The following PARP16 variants were observed in gnomAD, a reference collection of about 807,000 sequenced individuals.
PARP16 encodes the protein poly(ADP-ribose) polymerase family member 16.
In PARP16, 31 loss-of-function variants were observed where a neutral mutation model predicts 35.0. That is an observed-to-expected ratio of 0.88 (90% CI 0.66 to 1.19). The LOEUF is 1.19. Ranked by LOEUF, PARP16 falls within the 50% of genes most tolerant of loss-of-function variation. The pLI, the probability that PARP16 is intolerant of heterozygous loss-of-function variation, is 0.00. For missense variants in PARP16, 424 were observed against 411.2 expected, an observed-to-expected ratio of 1.03 and a Z score of -0.27; for synonymous variants, 162 against 169.5, an observed-to-expected ratio of 0.96 and a Z score of 0.34.
intron 2 of PARP16, among the ~76,000 whole-genome samples, chr15:65,268,849 G>A (rs1011004219): frequency 3.3e-5 from 5 of 152,124 alleles, no homozygotes; most frequent in Non-Finnish European, 7.4e-5. Context: ...CCACCTCCCA[G>A]GTTCAAGCGA....
intron 3 of PARP16, among the ~76,000 whole-genome samples, chr15:65,242,881 A>G (rs1377846442): frequency 6.6e-6 from 1 of 151,580 alleles, no homozygotes. Context: ...CTCCTGGCTA[A>G]TTTTTGTATT....
At chr15:65,244,991 T>C (rs1265586391) in intron 3 of PARP16, among the ~76,000 whole-genome samples, 3 of 152,206 alleles carry the variant, frequency 2.0e-5, no homozygotes, top group Non-Finnish European at 2.9e-5. Context: ...GGCCCAGGCC[T>C]ACCCCTAAGA....
intron 2 of PARP16, among the ~76,000 whole-genome samples, chr15:65,251,890 G>C (rs1410593054): frequency 6.6e-6 from 1 of 151,938 alleles, no homozygotes; most frequent in African/African-American, 2.4e-5. Context: ...TCAGCCTCCC[G>C]AGTAGCTGGG....
intron 1 of PARP16, among the ~76,000 whole-genome samples, chr15:65,280,476 T>C (rs905510251): frequency 2.0e-5 from 3 of 151,376 alleles, no homozygotes; most frequent in Non-Finnish European, 4.4e-5. Context: ...GACCAGCAAT[T>C]TCACCTCTCA....
intron 3 of PARP16, among the ~76,000 whole-genome samples, chr15:65,241,189 G>A (rs1385852416): frequency 6.7e-6 from 1 of 148,266 alleles, no homozygotes; most frequent in Non-Finnish European, 1.5e-5. Flanking sequence ...CTAGGCTGAA[G>A]TGCAGTGGTG....
chr15:65,247,466 G>C (rs753180399), intron 3 of PARP16, among the ~76,000 whole-genome samples: 2 of 152,158 alleles, frequency 1.3e-5, no homozygotes, highest in African/African-American at 4.8e-5. Context: ...CCTCTAAAAA[G>C]TAATTAATTA....
intron 3 of PARP16, among the ~76,000 whole-genome samples, chr15:65,235,914 G>A (rs925248454): frequency 6.8e-6 from 1 of 146,332 alleles, no homozygotes; most frequent in African/African-American, 2.5e-5. Context: ...CCAGGCTGGA[G>A]TGCAGTGGCA....
chr15:65,281,655 C>T (rs2090425409), intron 1 of PARP16, among the ~76,000 whole-genome samples: 1 of 149,336 alleles, frequency 6.7e-6, no homozygotes, highest in Non-Finnish European at 1.5e-5. Flanking sequence ...CGCGCCATTG[C>T]ACTCCAGCCT....
At position 65,260,933 on chromosome 15, in the gene PARP16, A is replaced by C; in HGVS notation, c.785T>G (p.Leu262Arg). 6.2e-7 allele frequency: 1 copy of C among 1,614,094 alleles called. No individual in the cohort carries two copies. The highest frequency in any genetic ancestry group is 8.5e-7 in the Non-Finnish European group (1 of 1,179,974). Residue 262 changes from leucine (L) to arginine (R), a missense_variant, in exon 5 of 6, where the codon CTG becomes CGG. By Grantham distance (102) the Leu-to-Arg change is moderately radical. Coordinates refer to ENST00000649807, the MANE Select transcript of PARP16 (RefSeq NM_001316943.2). ...CACCAGGAGGTACTTCACTCGCAGCAGCTGGTTATTGGTGACCACGAAGTA... is the reference window on the plus strand; with the variant it reads ...CACCAGGAGGTACTTCACTCGCAGCCGCTGGTTATTGGTGACCACGAAGTA... ...PKYFVVTNNQ[L>R]LRVKYLLVYS...
At chr15:65,263,668 G>A (rs764716543) in intron 3 of PARP16, among the ~76,000 whole-genome samples, 4 of 152,134 alleles carry the variant, frequency 2.6e-5, no homozygotes, top group Non-Finnish European at 4.4e-5. Flanking sequence ...AACTCTCTGT[G>A]TCTCAGTTTC....
chr15:65,281,992 G>A (rs2090434716), intron 1 of PARP16, among the ~76,000 whole-genome samples: 1 of 152,178 alleles, frequency 6.6e-6, no homozygotes, highest in Non-Finnish European at 1.5e-5. Context: ...ACTTCCTAGT[G>A]CTTTTAGCTG....
chr15:65,257,527 G>C (rs1025357955), downstream of PARP16, among the ~76,000 whole-genome samples: 3 of 151,408 alleles, frequency 2.0e-5, no homozygotes, highest in Admixed American at 6.6e-5. Flanking sequence ...GCTACAGGGA[G>C]GCTAAGGCAG....
At chr15:65,240,148 C>CTT (rs56275228) in intron 3 of PARP16, among the ~76,000 whole-genome samples, 1 of 148,584 alleles carries the variant, frequency 6.7e-6, no homozygotes, top group Non-Finnish European at 1.5e-5. Flanking sequence ...TTTTTCTTTT[C>CTT]TTTTTTTTGT....
At chr15:65,274,703 G>A (rs1048828013) in intron 1 of PARP16, among the ~76,000 whole-genome samples, 9 of 152,100 alleles carry the variant, frequency 5.9e-5, no homozygotes, top group African/African-American at 1.9e-4. Context: ...ATTATTCAGG[G>A]GGCATTTACT....
At chr15:65,268,158 T>C (rs1199798865) in intron 2 of PARP16, among the ~76,000 whole-genome samples, 2 of 152,160 alleles carry the variant, frequency 1.3e-5, no homozygotes, top group Non-Finnish European at 2.9e-5. Context: ...TTCTCCACCC[T>C]TAAGACTGTG....
chr15:65,256,407 C>CTTTT (rs11422149), downstream of PARP16, among the ~76,000 whole-genome samples: 9 of 121,510 alleles, frequency 7.4e-5, no homozygotes, highest in Non-Finnish European at 1.0e-4. Context: ...CTGCCCACGG[C>CTTTT]TTTTTTTTTT....
At chr15:65,231,495 G>GCT, downstream of PARP16, among the ~76,000 whole-genome samples, 1 of 150,480 alleles carries the variant, frequency 6.6e-6, no homozygotes, top group Non-Finnish European at 1.5e-5. Context: ...AGTCACCCAG[G>GCT]CTAAAGTGCA....
At chr15:65,253,877 G>C (rs1369764310), downstream of PARP16, among the ~76,000 whole-genome samples, 1 of 152,062 alleles carries the variant, frequency 6.6e-6, no homozygotes, top group African/African-American at 2.4e-5. Context: ...GAGTGCAGTG[G>C]CACGATCTCA....
At chr15:65,248,102 C>A (rs1397830670) in intron 3 of PARP16, 1 of 450,828 alleles carries the variant, frequency 2.2e-6, no homozygotes, top group African/African-American at 2.0e-5. Context: ...CCGCTCCCGG[C>A]CGGATTGTTC....
Sources: allele counts gnomAD v4.1 joint callset (sites outside exome capture counted in the v4.1 genomes callset), GRCh38; gene constraint gnomAD v4.1.1; transcripts MANE v1.5; gene names NCBI Gene and HGNC (gene_info 2026-07-23, HGNC 2026-07-21).